Variants in UNC5D observed in about 807,000 individuals in gnomAD.
UNC5D encodes netrin receptor UNC5D.
A neutral mutation model predicts 105.4 loss-of-function variants in UNC5D; 39 were observed. The ratio of observed to expected loss-of-function variants is 0.37; its 90% confidence interval spans 0.29 to 0.48. The LOEUF (loss-of-function observed/expected upper bound fraction) is 0.48, where lower values mean the gene tolerates loss of function less well. UNC5D is among the 20% of genes least tolerant of loss of function. UNC5D has a pLI of 0.98. For missense variants in UNC5D, 991 were observed against 1,202.4 expected, an observed-to-expected ratio of 0.82 and a Z score of 2.60; for synonymous variants, 452 against 450.4, an observed-to-expected ratio of 1.00 and a Z score of -0.04.
At chr8:35,303,758 C>T (rs1003585925) in intron 1 of UNC5D, among the ~76,000 whole-genome samples, 2 of 152,138 alleles carry the variant, frequency 1.3e-5, no homozygotes, top group African/African-American at 4.8e-5. Context: ...CTTCTGAGAG[C>T]AGCAAGCACA....
rs369192090 is a variant in UNC5D, at chr8:35,335,985, G to A, written c.103+100098G>A. On this transcript the variant is annotated intron_variant, in intron 1 of 16. Coordinates refer to ENST00000404895, the MANE Select transcript of UNC5D (RefSeq NM_080872.4). ...TCACCGTGTTAGCCAGGATGGTGTC[G>A]ATCTCCTGACCTCGTGATCCGCCTG... Among the ~76,000 whole-genome samples, 33 of 151,990 alleles carry A rather than the reference G, an allele frequency of 2.2e-4. No individual in the cohort carries two copies. In the East Asian group the frequency reaches 5.8e-3, roughly 27 times the overall value.
intron 8 of UNC5D, among the ~76,000 whole-genome samples, chr8:35,709,775 T>C (rs1827823888): frequency 6.6e-6 from 1 of 151,998 alleles, no homozygotes; most frequent in African/African-American, 2.4e-5. Context: ...TCTGGGTAGC[T>C]TGGGGATGAG....
intron 1 of UNC5D, chr8:35,256,287 T>G (rs1185972082): frequency 6.6e-6 from 1 of 152,196 alleles, no homozygotes; most frequent in Non-Finnish European, 1.5e-5. Flanking sequence ...CCAACTACAA[T>G]GAATATTTGT....
rs563154750 is a variant in UNC5D at position 35,519,381 on chromosome 8, T to C, written c.104-29911T>C. Among the ~76,000 whole-genome samples the C allele has an allele frequency of 2.6e-5, 4 of 152,290 alleles. No individual in the cohort carries two copies. The South Asian group carries it at 8.3e-4, about 32-fold the overall frequency. On this transcript the variant is annotated intron_variant, in intron 1 of 16. Coordinates refer to ENST00000404895, the MANE Select transcript of UNC5D (RefSeq NM_080872.4). ...AAATATATATTATGTCCCATCTGCT[T>C]AGCAGGCCTCATACATTTATAACAT... is the stretch of plus-strand genomic sequence containing the variant.
In UNC5D at chr8:35,792,483, A is replaced by G. The variant is rs1803087680; in HGVS notation, c.*1920A>G. On this transcript the variant is annotated 3_prime_UTR_variant, in exon 17 of 17. Coordinates refer to ENST00000404895, the MANE Select transcript of UNC5D (RefSeq NM_080872.4). ...CATATTTTCACAATACCATGTCAAG[A>G]TCAGGAAAACACCCTTTTGCTAGTG... 1 of 153,720 alleles carries G rather than the reference A, an allele frequency of 6.5e-6. No homozygotes were observed. Among genetic ancestry groups the G allele is most frequent in the South Asian group, 2.0e-4 (1 of 4,894 alleles). 9.5% of individuals were successfully genotyped at this position (153,720 alleles called of 1,614,324 possible). A position where few individuals can be genotyped will look rare whatever the true frequency, so the allele number is the denominator to read the frequency against.
intron 1 of UNC5D, among the ~76,000 whole-genome samples, chr8:35,241,692 CTT>C (rs1802817702): frequency 6.7e-6 from 1 of 149,786 alleles, no homozygotes; most frequent in South Asian, 2.2e-4. Context: ...AATTTTAACA[CTT>C]TTTAAAATTG....
chr8:35,708,322 G>A (rs1383859497), intron 8 of UNC5D, among the ~76,000 whole-genome samples: 1 of 152,170 alleles, frequency 6.6e-6, no homozygotes, highest in African/African-American at 2.4e-5. Context: ...GCACTGCATA[G>A]CTCATGAAAG....
intron 4 of UNC5D, among the ~76,000 whole-genome samples, chr8:35,645,356 G>A (rs1340254876): frequency 3.3e-5 from 5 of 152,132 alleles, no homozygotes; most frequent in Non-Finnish European, 5.9e-5. Context: ...ATCCATTGGC[G>A]TGCATTGTGT....
intron 4 of UNC5D, among the ~76,000 whole-genome samples, chr8:35,658,028 G>A (rs1206296258): frequency 6.6e-6 from 1 of 152,092 alleles, no homozygotes; most frequent in Non-Finnish European, 1.5e-5. Flanking sequence ...ATGTTAAACA[G>A]GAAGGCATCA....
intron 1 of UNC5D, among the ~76,000 whole-genome samples, chr8:35,253,552 T>G (rs1034437822): frequency 2.1e-5 from 3 of 146,048 alleles, no homozygotes; most frequent in African/African-American, 7.5e-5. Context: ...AGTGGCACTA[T>G]CTCAGCTCAC....
At chr8:35,511,052 G>T (rs989647419) in intron 1 of UNC5D, among the ~76,000 whole-genome samples, 1 of 152,088 alleles carries the variant, frequency 6.6e-6, no homozygotes, top group Non-Finnish European at 1.5e-5. Context: ...TAAGAGATTT[G>T]CATCTCTTAG....
chr8:35,644,386 C>A lies in UNC5D; in HGVS notation c.571-39161C>A, dbSNP rs1166192101. Among the ~76,000 whole-genome samples, 3 of 152,052 alleles carry A rather than the reference C, an allele frequency of 2.0e-5. No homozygotes were observed. The East Asian group carries it at 5.8e-4, about 29-fold the overall frequency. On this transcript the variant is annotated intron_variant, in intron 4 of 16. Coordinates refer to ENST00000404895, the MANE Select transcript of UNC5D (RefSeq NM_080872.4). ...ATGTCACAAGTCTATCCACAGGGGA[C>A]CAAGATGTTTGCCTTTGCTGTAGCT...
intron 4 of UNC5D, among the ~76,000 whole-genome samples, chr8:35,636,272 C>T (rs1284920487): frequency 2.6e-5 from 4 of 152,142 alleles, no homozygotes; most frequent in Non-Finnish European, 4.4e-5. Flanking sequence ...AACTAAGCAT[C>T]TGTCATAAAG....
At chr8:35,722,155 G>A (rs1828613811) in intron 8 of UNC5D, 55 bp from the exon 9 acceptor site, 2 of 1,583,514 alleles carry the variant, frequency 1.3e-6, no homozygotes, top group Non-Finnish European at 1.7e-6. Flanking sequence ...TTCCCGAGTG[G>A]TTCTTTGACT....
At chr8:35,337,704 CA>C (rs1454384017) in intron 1 of UNC5D, among the ~76,000 whole-genome samples, 1 of 151,598 alleles carries the variant, frequency 6.6e-6, no homozygotes, top group Non-Finnish European at 1.5e-5. Flanking sequence ...TTAGAAAAAC[CA>C]TAAAAGCCTC....
chr8:35,464,871 TC>T (rs1288355252), intron 1 of UNC5D, among the ~76,000 whole-genome samples: 1 of 152,190 alleles, frequency 6.6e-6, no homozygotes, highest in African/African-American at 2.4e-5. Context: ...ATCCTCTTCT[TC>T]CCCCTCCAGA....
intron 4 of UNC5D, among the ~76,000 whole-genome samples, chr8:35,641,366 C>CAAAAAAAAAAAAAAAAAAAAAAAAAA (rs377021599): frequency 9.5e-4 from 42 of 44,220 alleles, no homozygotes; most frequent in South Asian, 2.0e-3. Flanking sequence ...AAAAATAAAG[C>CAAAAAAAAAAAAAAAAAAAAAAAAAA]AAAAAAAAAA....
chr8:35,643,262 G>A (rs1456497754), intron 4 of UNC5D, among the ~76,000 whole-genome samples: 6 of 152,136 alleles, frequency 3.9e-5, no homozygotes, highest in African/African-American at 1.4e-4. Context: ...GATGTTCCCT[G>A]GAGGAAAAAG....
At chr8:35,413,288 T>TG (rs1397523420) in intron 1 of UNC5D, among the ~76,000 whole-genome samples, 1 of 14,550 alleles carries the variant, frequency 6.9e-5, no homozygotes, top group Non-Finnish European at 2.8e-4. Context: ...TGTGTGTGTG[T>TG]GTGTTGTGTG....
Sources: gnomAD v4.1 joint callset for allele counts (sites outside exome capture counted in the v4.1 genomes callset) on GRCh38, gnomAD v4.1.1 for gene constraint, MANE v1.5 for transcripts, NCBI Gene and HGNC (gene_info 2026-07-23, HGNC 2026-07-21) for gene names.